SLC4A10: variants seen among roughly 807,000 people sequenced by gnomAD.
SLC4A10 encodes the protein sodium-driven chloride bicarbonate exchanger.
SLC4A10 carries 42 observed loss-of-function variants against 137.7 expected under a neutral mutation model. The ratio of observed to expected loss-of-function variants is 0.30; its 90% CI spans 0.24 to 0.39. SLC4A10 has a LOEUF of 0.39. SLC4A10 is among the 10% of genes least tolerant of loss of function. The pLI is 1.00. For missense variants in SLC4A10, 925 were observed against 1,355.0 expected, an observed-to-expected ratio of 0.68 and a Z score of 4.98; for synonymous variants, 474 against 464.1, an observed-to-expected ratio of 1.02 and a Z score of -0.27.
At chr2:161,812,419 G>T (rs1440920149) in intron 3 of SLC4A10, among the ~76,000 whole-genome samples, 4 of 151,836 alleles carry the variant, frequency 2.6e-5, no homozygotes, top group African/African-American at 9.7e-5. Flanking sequence ...TTTGTTACAT[G>T]AGTATGTTGT....
chr2:161,790,433 GATTAATTTTT>G (rs920416316), intron 2 of SLC4A10, among the ~76,000 whole-genome samples: 11 of 152,026 alleles, frequency 7.2e-5, no homozygotes, highest in African/African-American at 2.7e-4. Flanking sequence ...ATTATTAGTT[GATTAATTTTT>G]GTGCAACTTA....
intron 15 of SLC4A10, among the ~76,000 whole-genome samples, chr2:161,915,511 C>T (rs1246559148): frequency 6.6e-6 from 1 of 152,130 alleles, no homozygotes; most frequent in African/African-American, 2.4e-5. Context: ...GAGCAGCTTC[C>T]CCATACGATG....
At chr2:161,765,155 T>A (rs969289865) in intron 1 of SLC4A10, among the ~76,000 whole-genome samples, 2 of 152,170 alleles carry the variant, frequency 1.3e-5, no homozygotes, top group Non-Finnish European at 2.9e-5. Context: ...GCATTGTTAA[T>A]AGTAAGTATT....
At chr2:161,914,874 T>C (rs1336680171) in intron 15 of SLC4A10, among the ~76,000 whole-genome samples, 2 of 151,472 alleles carry the variant, frequency 1.3e-5, no homozygotes, top group Non-Finnish European at 2.9e-5. Flanking sequence ...GTAACAGGAG[T>C]CAGAGAAATT....
At chr2:161,787,024 A>T (rs1352441128) in intron 2 of SLC4A10, among the ~76,000 whole-genome samples, 3 of 152,096 alleles carry the variant, frequency 2.0e-5, no homozygotes, top group Non-Finnish European at 4.4e-5. Context: ...CTTTTATGAC[A>T]TAAAAGAGTA....
At chr2:161,877,167 G>C (rs1309398929) in intron 8 of SLC4A10, among the ~76,000 whole-genome samples, 1 of 151,834 alleles carries the variant, frequency 6.6e-6, no homozygotes, top group Non-Finnish European at 1.5e-5. Context: ...ATAATCACCA[G>C]TTGCCCGAGG....
At chr2:161,772,480 A>T (rs1278987491) in intron 2 of SLC4A10, among the ~76,000 whole-genome samples, 1 of 151,834 alleles carries the variant, frequency 6.6e-6, no homozygotes, top group Non-Finnish European at 1.5e-5. Context: ...ATTTACTGAG[A>T]TCATTTTAAT....
intron 15 of SLC4A10, among the ~76,000 whole-genome samples, chr2:161,920,273 C>G (rs995291265): frequency 6.6e-6 from 1 of 152,140 alleles, no homozygotes; most frequent in Non-Finnish European, 1.5e-5. Context: ...AATGACACCC[C>G]GGGGACCTCA....
At chr2:161,964,109 A>T in intron 21 of SLC4A10, 26 bp from the exon 22 acceptor site, 1 of 1,553,716 alleles carries the variant, frequency 6.4e-7, no homozygotes, top group Non-Finnish European at 8.7e-7. Context: ...ACACCTAAAA[A>T]CAATTTAGTC....
At chr2:161,725,510 T>A (rs1252788230) in intron 1 of SLC4A10, among the ~76,000 whole-genome samples, 1 of 152,190 alleles carries the variant, frequency 6.6e-6, no homozygotes, top group Non-Finnish European at 1.5e-5. Flanking sequence ...AAGTCAGAAT[T>A]ATTCAATGAT....
chr2:161,691,742 A>T (rs1435397184), intron 1 of SLC4A10, among the ~76,000 whole-genome samples: 1 of 152,134 alleles, frequency 6.6e-6, no homozygotes, highest in Non-Finnish European at 1.5e-5. Context: ...CATAGAGGAG[A>T]TAATCTTGTA....
At chr2:161,781,178 A>G (rs1368030662) in intron 2 of SLC4A10, among the ~76,000 whole-genome samples, 1 of 152,076 alleles carries the variant, frequency 6.6e-6, no homozygotes, top group Non-Finnish European at 1.5e-5. Flanking sequence ...CAGCAGCTGC[A>G]TTTTCAAACA....
At chr2:161,856,172 G>A (rs1405769964) in intron 5 of SLC4A10, among the ~76,000 whole-genome samples, 9 of 152,002 alleles carry the variant, frequency 5.9e-5, no homozygotes. Flanking sequence ...CACTACAACT[G>A]CTGTCTGAAG....
intron 1 of SLC4A10, among the ~76,000 whole-genome samples, chr2:161,686,167 T>A (rs1408231314): frequency 6.6e-6 from 1 of 152,166 alleles, no homozygotes; most frequent in East Asian, 1.9e-4. Context: ...TATATGATAC[T>A]CAAAGGGTTG....
chr2:161,738,731 AT>A (rs2047589869), intron 1 of SLC4A10, among the ~76,000 whole-genome samples: 2 of 152,108 alleles, frequency 1.3e-5, no homozygotes, highest in African/African-American at 4.8e-5. Context: ...CTCAGCTTCT[AT>A]TCTTTTTTCT....
intron 1 of SLC4A10, 51 bp downstream of exon 1, chr2:161,624,617 T>C (rs1305401919): frequency 6.4e-7 from 1 of 1,550,650 alleles, no homozygotes; most frequent in Non-Finnish European, 8.7e-7. Context: ...CTGCAAAACC[T>C]GTTAGGCAAG....
At chr2:161,970,604 C>T (rs912952798) in intron 23 of SLC4A10, among the ~76,000 whole-genome samples, 2 of 152,140 alleles carry the variant, frequency 1.3e-5, no homozygotes, top group African/African-American at 4.8e-5. Flanking sequence ...TAAGCATATT[C>T]GTGAATATTG....
At chr2:161,811,016 G>GT (rs35918377) in intron 3 of SLC4A10, among the ~76,000 whole-genome samples, 1 of 151,832 alleles carries the variant, frequency 6.6e-6, no homozygotes, top group South Asian at 2.1e-4. Flanking sequence ...TGGTTGGTAG[G>GT]TTTTTTTAAA....
intron 15 of SLC4A10, among the ~76,000 whole-genome samples, chr2:161,915,291 A>G (rs1489746999): frequency 1.3e-5 from 2 of 152,126 alleles, no homozygotes; most frequent in Non-Finnish European, 2.9e-5. Context: ...AGCTGCTTTC[A>G]TTGCTCAATA....
Sources: allele counts gnomAD v4.1 joint callset (sites outside exome capture counted in the v4.1 genomes callset), GRCh38; gene constraint gnomAD v4.1.1; transcripts MANE v1.5; gene names NCBI Gene and HGNC (gene_info 2026-07-23, HGNC 2026-07-21).